NEK11: variants seen among roughly 807,000 people sequenced by gnomAD.
NEK11 encodes the protein NIMA related kinase 11, also known as serine/threonine-protein kinase Nek11.
A neutral mutation model predicts 80.7 loss-of-function variants in NEK11; 72 were observed. The ratio of observed to expected loss-of-function variants is 0.89; its 90% CI spans 0.74 to 1.08. The LOEUF is 1.08. Ranked by LOEUF, NEK11 falls within the 50% of genes least tolerant of loss-of-function variation. The probability of loss-of-function intolerance (pLI) is 0.00; values close to 1 mark genes in which losing one functional copy is unlikely to be tolerated. For synonymous variants in NEK11, 251 were observed against 260.7 expected (o/e 0.96, Z 0.36); for missense variants, 764 against 763.6 (o/e 1.00, Z -0.01).
At position 131,095,109 on chromosome 3, in the gene NEK11, A is replaced by G. The variant is rs373358559; in HGVS notation, c.336+14521A>G. On this transcript the variant is annotated intron_variant, in intron 4 of 17. Transcript: ENST00000383366. ...GTTCATCATAGGTAATTTGACTTGG[A>G]TCAATCTTATGGAGCTCATTCAAAT... Among the ~76,000 whole-genome samples, 10 of 152,258 alleles carry G rather than the reference A, an allele frequency of 6.6e-5. 1 individual carries two copies. In the East Asian group the frequency reaches 1.4e-3, roughly 21 times the overall value.
intron 16 of NEK11, among the ~76,000 whole-genome samples, chr3:131,271,561 G>A (rs1225376457): frequency 2.0e-5 from 3 of 152,124 alleles, no homozygotes; most frequent in South Asian, 2.1e-4. Flanking sequence ...TTGGCAGGCC[G>A]AGGCAGGCGG....
chr3:131,032,067 T>C (rs983643119), intron 3 of NEK11, among the ~76,000 whole-genome samples: 5 of 151,992 alleles, frequency 3.3e-5, no homozygotes, highest in Non-Finnish European at 5.9e-5. Context: ...GTTCAAGTGA[T>C]TCTCCCACCT....
At position 131,342,744 on chromosome 3, in the gene NEK11, T is replaced by C. The variant is rs768110281; in HGVS notation, c.1719-6813T>C. ...TAGCATGATAAGAGGTGTGTGTGTG[T>C]GTATATGTATGCATGTATGTCTGTG... On this transcript the variant is annotated intron_variant, in intron 17 of 17. Coordinates refer to ENST00000383366, the MANE Select transcript of NEK11 (RefSeq NM_024800.5). Among the ~76,000 whole-genome samples the C allele has an allele frequency of 1.9e-4, 29 of 152,248 alleles. 1 individual carries two copies. Among genetic ancestry groups the C allele is most frequent in the Admixed American group, 3.9e-4 (6 of 15,292 alleles).
In NEK11 at chr3:131,133,879, A is replaced by G. The variant is rs747629555; in HGVS notation, c.570A>G (p.Thr190=). The change falls in exon 7 of 18, where the codon ACA becomes ACG. Residue 190 remains threonine, a synonymous_variant. Transcript: ENST00000383366. ...RLLMGSCDLA[T]TLTGTPHYMS... ...TAATGGGATCCTGTGACCTGGCCAC[A>G]ACTTTAACTGGAACTCCCCATTATA... is the stretch of plus-strand genomic sequence containing the variant. 2.5e-6 allele frequency: 4 copies of G among 1,612,586 alleles called. No homozygotes were observed. Among genetic ancestry groups the G allele is most frequent in the Non-Finnish European group, 3.4e-6 (4 of 1,179,072 alleles).
chr3:131,339,545 G>GT (rs1258443361), intron 17 of NEK11, among the ~76,000 whole-genome samples: 1 of 152,210 alleles, frequency 6.6e-6, no homozygotes, highest in African/African-American at 2.4e-5. Context: ...GCTTTGAGAA[G>GT]TGATTTCTTC....
At chr3:131,039,644 C>T (rs974699169) in intron 3 of NEK11, among the ~76,000 whole-genome samples, 6 of 152,160 alleles carry the variant, frequency 3.9e-5, no homozygotes, top group Admixed American at 3.9e-4. Context: ...CAACTTTATA[C>T]CTATTTTGAA....
chr3:131,093,141 G>A lies in NEK11; in HGVS notation c.336+12553G>A, dbSNP rs529361724. ...GGAGGGGCACAAGAGACAGTTCCTT[G>A]TGTGATACTTTGTGTGTTAGAAATC... is the stretch of plus-strand genomic sequence containing the variant. On this transcript the variant is annotated intron_variant, in intron 4 of 17. Transcript: ENST00000383366. 2.0e-5 allele frequency among the ~76,000 whole-genome samples: 3 copies of A among 152,258 alleles called. No individual in the cohort carries two copies. The South Asian group carries it at 6.2e-4, about 32-fold the overall frequency.
At chr3:131,331,641 C>T (rs1189183065) in intron 17 of NEK11, among the ~76,000 whole-genome samples, 1 of 152,212 alleles carries the variant, frequency 6.6e-6, no homozygotes, top group East Asian at 1.9e-4. Context: ...CGTGCGTGAG[C>T]CGAAGCAGGG....
At chr3:131,298,229 G>A (rs1203043350) in intron 17 of NEK11, among the ~76,000 whole-genome samples, 36 of 147,604 alleles carry the variant, frequency 2.4e-4, no homozygotes, top group South Asian at 1.1e-3. Flanking sequence ...GATGGGGATG[G>A]CATTGAATCT....
At chr3:131,075,824 G>A (rs1268462440) in intron 3 of NEK11, among the ~76,000 whole-genome samples, 1 of 152,164 alleles carries the variant, frequency 6.6e-6, no homozygotes, top group East Asian at 1.9e-4. Flanking sequence ...GGTAAGAGCA[G>A]CCACCCTTTG....
chr3:131,106,399 A>G (rs915538784), intron 4 of NEK11, among the ~76,000 whole-genome samples: 16 of 151,996 alleles, frequency 1.1e-4, no homozygotes, highest in African/African-American at 3.9e-4. Context: ...GCTTTTAACA[A>G]TTATGCTTGA....
intron 5 of NEK11, among the ~76,000 whole-genome samples, chr3:131,126,401 T>C (rs1040371021): frequency 1.7e-4 from 26 of 152,236 alleles, no homozygotes; most frequent in African/African-American, 6.3e-4. Context: ...GAAAATGTTT[T>C]TATTTTTTCC....
At chr3:131,142,769 G>C (rs1284562315) in intron 7 of NEK11, among the ~76,000 whole-genome samples, 1 of 152,114 alleles carries the variant, frequency 6.6e-6, no homozygotes, top group Admixed American at 6.6e-5. Context: ...TGGTCTCCTT[G>C]TTCTCCTCAC....
At chr3:131,286,365 C>G (rs901771993) in intron 17 of NEK11, among the ~76,000 whole-genome samples, 4 of 152,124 alleles carry the variant, frequency 2.6e-5, no homozygotes, top group African/African-American at 9.7e-5. Flanking sequence ...TTTACTCTTT[C>G]TTGTTCATGT....
intron 5 of NEK11, among the ~76,000 whole-genome samples, chr3:131,127,957 C>T (rs2083654286): frequency 6.6e-6 from 1 of 152,080 alleles, no homozygotes; most frequent in Non-Finnish European, 1.5e-5. Context: ...CCCTGAAATC[C>T]AAGTTTATTG....
At chr3:131,131,739 T>G (rs1241136078) in intron 5 of NEK11, among the ~76,000 whole-genome samples, 1 of 152,072 alleles carries the variant, frequency 6.6e-6, no homozygotes, top group Admixed American at 6.5e-5. Flanking sequence ...ATATTTCTCC[T>G]TACTTTTGGT....
intron 7 of NEK11, among the ~76,000 whole-genome samples, chr3:131,149,490 T>C (rs1294370562): frequency 6.6e-6 from 1 of 152,112 alleles, no homozygotes; most frequent in Non-Finnish European, 1.5e-5. Context: ...ATATACCCAG[T>C]AATGGGATTG....
Position 131,134,606 on chromosome 3 carries a change from A to G in NEK11, c.647+650A>G, listed in dbSNP as rs538136198. Reference sequence around the variant, plus strand: ...TAGTAGGGACGGGTTTCACTGTGTTAGCCGGAATGGTCTCAATCTCCTGAC... The same window carrying G: ...TAGTAGGGACGGGTTTCACTGTGTTGGCCGGAATGGTCTCAATCTCCTGAC... On this transcript the variant is annotated intron_variant, in intron 7 of 17. Coordinates refer to ENST00000383366, the MANE Select transcript of NEK11 (RefSeq NM_024800.5). Among the ~76,000 whole-genome samples the G allele has an allele frequency of 2.0e-5, 3 of 151,942 alleles. No homozygotes were observed. In the East Asian group the frequency reaches 5.8e-4, roughly 29 times the overall value.
intron 3 of NEK11, among the ~76,000 whole-genome samples, chr3:131,062,486 GT>G (rs1277727600): frequency 1.3e-5 from 2 of 152,150 alleles, no homozygotes; most frequent in African/African-American, 4.8e-5. Flanking sequence ...ATTTCTAATA[GT>G]TTTGACAAAT....
Sources: gnomAD v4.1 joint callset for allele counts (sites outside exome capture counted in the v4.1 genomes callset) on GRCh38, gnomAD v4.1.1 for gene constraint, MANE v1.5 for transcripts, NCBI Gene and HGNC (gene_info 2026-07-23, HGNC 2026-07-21) for gene names.